ATP8B1: variants seen among roughly 807,000 people sequenced by gnomAD.
ATP8B1 encodes the protein phospholipid-transporting ATPase IC.
A neutral mutation model predicts 149.9 loss-of-function variants in ATP8B1; 80 were observed. The observed-to-expected ratio is 0.53, with a 90% CI of 0.45 to 0.64. The LOEUF is 0.64. ATP8B1 is among the 30% of genes least tolerant of loss of function. ATP8B1 has a pLI of 0.00. For missense variants in ATP8B1, 1,247 were observed against 1,552.6 expected, an observed-to-expected ratio of 0.80 and a Z score of 3.31; for synonymous variants, 536 against 562.8, an observed-to-expected ratio of 0.95 and a Z score of 0.67.
In ATP8B1 at chr18:57,768,586, C is replaced by CAAAAA. The variant is rs5825235; in HGVS notation, c.-26+34407_-26+34411dup. The stretch of plus-strand genomic sequence containing the variant: ...AAGGCCATTTTTACTGTTTACATGC[C>CAAAAA]AAAAAAAAAAAAAAAAAGCTAAGCT... On this transcript the variant is annotated intron_variant, in intron 1 of 27. Transcript: ENST00000648908. 4.1e-3 allele frequency among the ~76,000 whole-genome samples: 399 copies of CAAAAA among 96,936 alleles called. 30 individuals carry two copies. Among genetic ancestry groups the CAAAAA allele is most frequent in the Non-Finnish European group, 6.7e-3 (337 of 50,544 alleles). The allele number at this position is 96,936 out of a possible 152,430, so 63.6% of individuals were successfully genotyped here.
intron 2 of ATP8B1, among the ~76,000 whole-genome samples, chr18:57,727,613 ACT>A (rs1220775548): frequency 6.6e-6 from 1 of 151,854 alleles, no homozygotes; most frequent in Non-Finnish European, 1.5e-5. Flanking sequence ...ACATGGTGAA[ACT>A]CTGTCTCTAC....
At chr18:57,716,489 A>G (rs1014088998) in intron 2 of ATP8B1, among the ~76,000 whole-genome samples, 2 of 152,180 alleles carry the variant, frequency 1.3e-5, no homozygotes, top group African/African-American at 4.8e-5. Context: ...GAAGGGATTG[A>G]AGAAGATATT....
At chr18:57,800,989 G>A (rs1393862869) in intron 1 of ATP8B1, among the ~76,000 whole-genome samples, 1 of 152,040 alleles carries the variant, frequency 6.6e-6, no homozygotes, top group African/African-American at 2.4e-5. Flanking sequence ...CCTTACCACC[G>A]AAGACTTCTT....
At chr18:57,714,363 T>A (rs1452242333) in intron 2 of ATP8B1, among the ~76,000 whole-genome samples, 1 of 152,162 alleles carries the variant, frequency 6.6e-6, no homozygotes, top group African/African-American at 2.4e-5. Context: ...GGGAACTCAC[T>A]GGCTTGAAGC....
intron 1 of ATP8B1, among the ~76,000 whole-genome samples, chr18:57,793,457 A>T (rs1050328724): frequency 1.3e-5 from 2 of 151,790 alleles, no homozygotes; most frequent in African/African-American, 4.8e-5. Flanking sequence ...TTCTGCCTGG[A>T]CTGGTCTTCA....
At chr18:57,725,558 A>T (rs188266275) in intron 2 of ATP8B1, among the ~76,000 whole-genome samples, 1 of 152,358 alleles carries the variant, frequency 6.6e-6, no homozygotes. Context: ...ACCACAGAAG[A>T]CCCAGAAAAG....
intron 2 of ATP8B1, among the ~76,000 whole-genome samples, chr18:57,726,118 C>T (rs2079704360): frequency 6.6e-6 from 1 of 152,170 alleles, no homozygotes; most frequent in South Asian, 2.1e-4. Context: ...GTCCCAGCTA[C>T]TCGGGAGGCT....
At chr18:57,674,297 C>T (rs1458378478) in intron 16 of ATP8B1, among the ~76,000 whole-genome samples, 1 of 145,590 alleles carries the variant, frequency 6.9e-6, no homozygotes, top group African/African-American at 2.5e-5. Context: ...TAAAAAAGAA[C>T]GTCAGCAGCA....
chr18:57,697,628 C>T lies in ATP8B1; in HGVS notation c.688G>A (p.Glu230Lys). Residue 230 changes from glutamate to lysine, a missense_variant, in exon 8 of 28, where the codon GAA becomes AAA. Coordinates refer to ENST00000648908, the MANE Select transcript of ATP8B1 (RefSeq NM_001374385.1). Reference protein sequence around the residue: ...PNSLCYVETAELDGETNLKFK... With the variant: ...PNSLCYVETAKLDGETNLKFK... The stretch of plus-strand genomic sequence containing the variant: ...TCGAGACACACTTACCCATCCAGTT[C>T]TGCTGTTTCCACATAGCAGAGGCTG... The T allele has an allele frequency of 6.2e-7, 1 of 1,613,944 alleles. No individual in the cohort carries two copies. The highest frequency in any genetic ancestry group is 1.1e-5 in the South Asian group (1 of 91,048).
chr18:57,787,151 C>G (rs1390841420), intron 1 of ATP8B1, among the ~76,000 whole-genome samples: 2 of 152,210 alleles, frequency 1.3e-5, no homozygotes, highest in African/African-American at 4.8e-5. Flanking sequence ...GACCGGAAAT[C>G]ATTGTATAAT....
rs772653982 is a variant in ATP8B1 at position 57,685,108 on chromosome 18, A to G, written c.1437T>C (p.His479=). 11 of 1,614,200 alleles carry G rather than the reference A, an allele frequency of 6.8e-6. No homozygotes were observed. The highest frequency in any genetic ancestry group is 1.1e-5 in the South Asian group (1 of 91,084). Residue 479 remains histidine (H), a synonymous_variant, in exon 14 of 28, where the codon CAT becomes CAC. Transcript: ENST00000648908. The part of the protein sequence containing the change: ...CCINGQIYGD[H]RDASQHNHNK... ...TGTGGTTGTGTTGAGAGGCATCCCGATGGTCCCCTGAGAAACAAACAGGAC... is the reference window on the plus strand; with the variant it reads ...TGTGGTTGTGTTGAGAGGCATCCCGGTGGTCCCCTGAGAAACAAACAGGAC...
At chr18:57,783,341 G>T (rs1171730019) in intron 1 of ATP8B1, among the ~76,000 whole-genome samples, 1 of 152,196 alleles carries the variant, frequency 6.6e-6, no homozygotes, top group African/African-American at 2.4e-5. Context: ...CATGCTTACT[G>T]TGGTCCTTTG....
At chr18:57,712,160 C>A (rs905810303) in intron 2 of ATP8B1, among the ~76,000 whole-genome samples, 2 of 151,638 alleles carry the variant, frequency 1.3e-5, no homozygotes, top group Non-Finnish European at 2.9e-5. Context: ...TATCTACAAA[C>A]AAAAAAGCAC....
At chr18:57,707,031 G>A (rs750303671) in intron 2 of ATP8B1, among the ~76,000 whole-genome samples, 1 of 152,214 alleles carries the variant, frequency 6.6e-6, no homozygotes, top group Non-Finnish European at 1.5e-5. Context: ...AGCAGGCCGG[G>A]CGCGGTGGCT....
At chr18:57,711,533 G>A (rs142806355) in intron 2 of ATP8B1, among the ~76,000 whole-genome samples, 6 of 152,278 alleles carry the variant, frequency 3.9e-5, no homozygotes, top group Non-Finnish European at 5.9e-5. Context: ...CATTCTTTGC[G>A]CATACAAACG....
At chr18:57,753,583 T>G (rs973267931) in intron 1 of ATP8B1, among the ~76,000 whole-genome samples, 2 of 152,148 alleles carry the variant, frequency 1.3e-5, no homozygotes, top group African/African-American at 4.8e-5. Flanking sequence ...TCTTGAAAAC[T>G]CAGATATTAA....
chr18:57,648,482 A>G lies in ATP8B1; in HGVS notation c.*6T>C. ...TGTGGCCGCATCCCAGCCTGGGGGT[A>G]AGGGATCAGCTGTCCCCGGTGCGCC... On this transcript the variant is annotated 3_prime_UTR_variant, in exon 28 of 28. Transcript: ENST00000648908. 1 of 1,611,038 alleles carries G rather than the reference A, an allele frequency of 6.2e-7. No homozygotes were observed. Among genetic ancestry groups the G allele is most frequent in the Non-Finnish European group, 8.5e-7 (1 of 1,179,884 alleles).
At chr18:57,650,277 T>C (rs1167192503) in intron 27 of ATP8B1, 90 bp downstream of exon 27, 11 of 1,506,458 alleles carry the variant, frequency 7.3e-6, no homozygotes, top group East Asian at 7.1e-5. Context: ...AAACTTCCCA[T>C]GAGCTTAGAA....
At chr18:57,666,155 T>C (rs1286883496) in intron 20 of ATP8B1, among the ~76,000 whole-genome samples, 1 of 152,186 alleles carries the variant, frequency 6.6e-6, no homozygotes, top group Non-Finnish European at 1.5e-5. Context: ...GGAAAAATCT[T>C]GAGGAACTGT....
Sources: gnomAD v4.1 joint callset for allele counts (sites outside exome capture counted in the v4.1 genomes callset) on GRCh38, gnomAD v4.1.1 for gene constraint, MANE v1.5 for transcripts, NCBI Gene and HGNC (gene_info 2026-07-23, HGNC 2026-07-21) for gene names.